The following RNF130 variants were observed in gnomAD, a reference collection of about 807,000 sequenced individuals.
RNF130 encodes E3 ubiquitin-protein ligase RNF130.
A neutral mutation model predicts 44.6 loss-of-function variants in RNF130; 21 were observed. That is an observed-to-expected ratio of 0.47 (90% CI 0.33 to 0.68). The LOEUF is 0.68. Among genes scored for constraint, RNF130 ranks in the 30% least tolerant of loss-of-function variants. RNF130 has a pLI of 0.02. For synonymous variants in RNF130, 214 were observed against 210.4 expected, an observed-to-expected ratio of 1.02 and a Z score of -0.15; for missense variants, 479 against 560.6, an observed-to-expected ratio of 0.85 and a Z score of 1.47.
downstream of RNF130, among the ~76,000 whole-genome samples, chr5:179,953,575 G>A (rs768023439): frequency 6.6e-6 from 1 of 152,102 alleles, no homozygotes; most frequent in Non-Finnish European, 1.5e-5. Context: ...ATATCCACAT[G>A]CAAAAGAATG....
chr5:179,943,771 C>T (rs939648158), intron 7 of RNF130, among the ~76,000 whole-genome samples: 1 of 152,162 alleles, frequency 6.6e-6, no homozygotes, highest in Admixed American at 6.5e-5. Flanking sequence ...TATGATTAAA[C>T]CGCAAAGTAT....
At chr5:179,990,516 G>C (rs916406514) in intron 3 of RNF130, among the ~76,000 whole-genome samples, 1 of 152,210 alleles carries the variant, frequency 6.6e-6, no homozygotes, top group African/African-American at 2.4e-5. Flanking sequence ...GATAACTGCG[G>C]GTGGGCCTGA....
In RNF130 at chr5:180,009,030, T is replaced by C. The variant is rs1401001627; in HGVS notation, c.693+4031A>G. The stretch of plus-strand genomic sequence containing the variant: ...TGAAAATACAGCATATCAAAATATG[T>C]GAGGCATAGCCTTAAAGAAGTGCTG... On this transcript the variant is annotated intron_variant, in intron 3 of 8. Coordinates refer to ENST00000521389, the MANE Select transcript of RNF130 (RefSeq NM_018434.6). Among the ~76,000 whole-genome samples, 3 of 152,320 alleles carry C rather than the reference T, an allele frequency of 2.0e-5. No individual in the cohort carries two copies. The East Asian group carries it at 5.8e-4, about 29-fold the overall frequency.
chr5:180,062,213 C>T (rs1290670738), intron 1 of RNF130, among the ~76,000 whole-genome samples: 3 of 152,026 alleles, frequency 2.0e-5, no homozygotes, highest in Admixed American at 6.5e-5. Flanking sequence ...CACAGCCACG[C>T]CTAGATAATT....
Position 179,960,565 on chromosome 5 carries a change from T to C in RNF130, c.1244+2906A>G, listed in dbSNP as rs1762303854. 2.0e-5 allele frequency among the ~76,000 whole-genome samples: 3 copies of C among 152,172 alleles called. No homozygotes were observed. The South Asian group carries it at 6.2e-4, about 31-fold the overall frequency. ...GCAACCCACCCATGACAGGGGGCCCTAGACCACCTGGGTCCCACACACTGC... is the reference window on the plus strand; with the variant it reads ...GCAACCCACCCATGACAGGGGGCCCCAGACCACCTGGGTCCCACACACTGC... On this transcript the variant is annotated intron_variant, in intron 8 of 8. Transcript: ENST00000521389.
At chr5:180,047,775 C>G (rs1764600913) in intron 1 of RNF130, among the ~76,000 whole-genome samples, 1 of 152,162 alleles carries the variant, frequency 6.6e-6, no homozygotes, top group African/African-American at 2.4e-5. Flanking sequence ...TCAGGCCACT[C>G]TTTGTTCTCC....
chr5:179,928,428 C>T (rs191962328), intron 7 of RNF130, among the ~76,000 whole-genome samples: 222 of 152,162 alleles, frequency 1.5e-3, no homozygotes, highest in African/African-American at 5.1e-3. Context: ...GTCCATTCCC[C>T]AAATGACCAA....
In RNF130 at chr5:179,917,381, AATAG is replaced by A. The variant is rs1392071039; in HGVS notation, c.*2932_*2935del. On this transcript the variant is annotated 3_prime_UTR_variant, in exon 8 of 8. Transcript: ENST00000522208. ...GGCAGGGGGGTGGATGTGTGGTGTA[AATAG>A]CTGACTCCTCAGCCTCTTCCTTACT... 5 of 152,398 alleles carry A rather than the reference AATAG, an allele frequency of 3.3e-5. No homozygotes were observed. The East Asian group carries it at 9.7e-4, about 29-fold the overall frequency. The allele number at this position is 152,398 out of a possible 1,614,324, so 9.4% of individuals were successfully genotyped here. A position where few individuals can be genotyped will look rare whatever the true frequency, so the allele number is the denominator to read the frequency against.
At chr5:180,035,237 TGGTTCC>T in intron 2 of RNF130, among the ~76,000 whole-genome samples, 1 of 152,396 alleles carries the variant, frequency 6.6e-6, no homozygotes, top group Admixed American at 6.5e-5. Context: ...CATTTTCGTT[TGGTTCC>T]AAATGTTTTT....
At chr5:179,982,548 T>C (rs1762861935) in intron 3 of RNF130, among the ~76,000 whole-genome samples, 1 of 146,678 alleles carries the variant, frequency 6.8e-6, no homozygotes, top group Non-Finnish European at 1.5e-5. Context: ...TCACCAACAC[T>C]TGGTATGGTG....
At chr5:180,014,332 C>G (rs779871794) in intron 2 of RNF130, among the ~76,000 whole-genome samples, 21 of 152,192 alleles carry the variant, frequency 1.4e-4, no homozygotes, top group Non-Finnish European at 2.6e-4. Context: ...AAACTTCTAT[C>G]AATCTATCAG....
chr5:179,935,532 G>A (rs944630259), intron 7 of RNF130, among the ~76,000 whole-genome samples: 4 of 151,790 alleles, frequency 2.6e-5, no homozygotes, highest in African/African-American at 9.7e-5. Context: ...GTGTGTGTGT[G>A]TATACATTTT....
At chr5:179,939,930 T>C in intron 7 of RNF130, 1 of 250,246 alleles carries the variant, frequency 4.0e-6, no homozygotes, top group Non-Finnish European at 8.0e-6. Flanking sequence ...CTCTGTCTAA[T>C]CCTTCTTTGT....
intron 1 of RNF130, among the ~76,000 whole-genome samples, chr5:180,068,296 T>C (rs961064532): frequency 6.7e-6 from 1 of 148,806 alleles, no homozygotes; most frequent in African/African-American, 2.6e-5. Context: ...CTCCTAGTTC[T>C]AAGCTCACCA....
At chr5:180,029,966 G>C (rs890633922) in intron 2 of RNF130, among the ~76,000 whole-genome samples, 4 of 151,094 alleles carry the variant, frequency 2.6e-5, no homozygotes, top group Non-Finnish European at 5.9e-5. Flanking sequence ...TCCTGTCTCA[G>C]CCTCCCAAGT....
intron 7 of RNF130, among the ~76,000 whole-genome samples, chr5:179,926,586 G>T (rs1186313874): frequency 1.3e-5 from 2 of 152,068 alleles, no homozygotes; most frequent in South Asian, 2.1e-4. Context: ...AGGTGGAGGT[G>T]GCAGTGAGCC....
At chr5:179,954,479 C>T (rs775457828), downstream of RNF130, among the ~76,000 whole-genome samples, 20 of 152,270 alleles carry the variant, frequency 1.3e-4, no homozygotes, top group Non-Finnish European at 2.4e-4. Context: ...CAAAAGGCCA[C>T]ATATTATATG....
chr5:179,957,615 G>A (rs1478132386), intron 8 of RNF130, among the ~76,000 whole-genome samples: 2 of 152,290 alleles, frequency 1.3e-5, no homozygotes, highest in East Asian at 3.9e-4. Context: ...GGAACCAGAG[G>A]TGCTGGGTTT....
In RNF130 at chr5:179,942,229, G is replaced by T. The variant is rs1761976898; in HGVS notation, c.1151-21803C>A. Among the ~76,000 whole-genome samples the T allele has an allele frequency of 2.0e-5, 3 of 151,864 alleles. No individual in the cohort carries two copies. The Admixed American group carries it at 2.0e-4, about 10-fold the overall frequency. ...AGAAGCTGAAAATTAACCAGCAGTT[G>T]TTATTTCTGTACCATCAGTTATGGT... On this transcript the variant is annotated intron_variant, in intron 7 of 7. Transcript: ENST00000522208.
Sources: gnomAD v4.1 joint callset for allele counts (sites outside exome capture counted in the v4.1 genomes callset) on GRCh38, gnomAD v4.1.1 for gene constraint, MANE v1.5 for transcripts, NCBI Gene and HGNC (gene_info 2026-07-23, HGNC 2026-07-21) for gene names.